Variants in DYNC1I1 observed in about 807,000 individuals in gnomAD.
DYNC1I1 encodes the protein dynein cytoplasmic 1 intermediate chain 1, also known as cytoplasmic dynein 1 intermediate chain 1.
DYNC1I1 carries 43 observed loss-of-function variants against 86.6 expected under a neutral mutation model. That is an observed-to-expected ratio of 0.50 (90% CI 0.39 to 0.64). The LOEUF (loss-of-function observed/expected upper bound fraction) is 0.64. Among genes scored for constraint, DYNC1I1 ranks in the 30% least tolerant of loss-of-function variants. The pLI is 0.00. For synonymous variants in DYNC1I1, 262 were observed against 283.7 expected (o/e 0.92, Z 0.77); for missense variants, 604 against 788.8 (o/e 0.77, Z 2.81).
chr7:95,993,097 A>C (rs144062915), intron 9 of DYNC1I1, among the ~76,000 whole-genome samples: 2 of 152,200 alleles, frequency 1.3e-5, no homozygotes, highest in Admixed American at 1.3e-4. Context: ...AACACTTAAG[A>C]TTAAATAATT....
chr7:95,998,507 T>C (rs1190994503), intron 10 of DYNC1I1, among the ~76,000 whole-genome samples: 1 of 152,238 alleles, frequency 6.6e-6, no homozygotes, highest in African/African-American at 2.4e-5. Context: ...ATAACTTTTC[T>C]TCTATCCTAT....
intron 6 of DYNC1I1, among the ~76,000 whole-genome samples, chr7:95,902,229 G>T (rs768153581): frequency 6.6e-6 from 1 of 152,164 alleles, no homozygotes; most frequent in Non-Finnish European, 1.5e-5. Flanking sequence ...CTCCAGTGGC[G>T]TGTTTTTTCC....
chr7:95,803,911 A>G (rs1332271626), intron 1 of DYNC1I1, among the ~76,000 whole-genome samples: 1 of 152,148 alleles, frequency 6.6e-6, no homozygotes, highest in Non-Finnish European at 1.5e-5. Flanking sequence ...TGTTACTGGC[A>G]CCATCACTAC....
intron 6 of DYNC1I1, among the ~76,000 whole-genome samples, chr7:95,923,429 A>C (rs933241562): frequency 6.6e-6 from 1 of 152,150 alleles, no homozygotes; most frequent in Admixed American, 6.6e-5. Flanking sequence ...AAGAAGTAAA[A>C]TGTTGGAAGA....
intron 1 of DYNC1I1, among the ~76,000 whole-genome samples, chr7:95,803,348 A>T (rs1396218007): frequency 1.3e-5 from 2 of 152,190 alleles, no homozygotes; most frequent in African/African-American, 2.4e-5. Flanking sequence ...TTGTATCCCT[A>T]TTCATTATAA....
At chr7:96,009,771 G>A (rs1378171708) in intron 10 of DYNC1I1, among the ~76,000 whole-genome samples, 6 of 151,892 alleles carry the variant, frequency 4.0e-5, no homozygotes, top group African/African-American at 1.4e-4. Context: ...TCATCACTGG[G>A]GCAGATGACT....
chr7:95,902,648 G>A (rs550269165), intron 6 of DYNC1I1, among the ~76,000 whole-genome samples: 15 of 152,212 alleles, frequency 9.9e-5, no homozygotes, highest in Non-Finnish European at 2.1e-4. Context: ...TAAGAACATG[G>A]CATTTTTTTA....
At chr7:96,095,088 C>T (rs1790962728) in intron 16 of DYNC1I1, among the ~76,000 whole-genome samples, 1 of 152,126 alleles carries the variant, frequency 6.6e-6, no homozygotes, top group South Asian at 2.1e-4. Flanking sequence ...ACTCCCACCT[C>T]CATGAAGAAA....
Position 96,098,082 on chromosome 7 carries a change from T to A in DYNC1I1, c.*489T>A. Reference sequence around the variant, plus strand: ...ACTAGAAGAACATTGCTGCTCCTTATTTATTGTAGTGTGCTGCATGGAACG... The same window carrying A: ...ACTAGAAGAACATTGCTGCTCCTTAATTATTGTAGTGTGCTGCATGGAACG... On this transcript the variant is annotated 3_prime_UTR_variant, in exon 17 of 17. Coordinates refer to ENST00000447467, the MANE Select transcript of DYNC1I1 (RefSeq NM_001135556.2). 4 of 988,852 alleles carry A rather than the reference T, an allele frequency of 4.0e-6. No individual in the cohort carries two copies. Among genetic ancestry groups the A allele is most frequent in the Non-Finnish European group, 4.8e-6 (4 of 831,622 alleles). The allele number at this position is 988,852 out of a possible 1,614,324, so 61.3% of individuals were successfully genotyped here. A position where few individuals can be genotyped will look rare whatever the true frequency, so the allele number is the denominator to read the frequency against.
intron 1 of DYNC1I1, among the ~76,000 whole-genome samples, chr7:95,774,452 G>A (rs1028241207): frequency 4.6e-5 from 7 of 152,074 alleles, no homozygotes; most frequent in African/African-American, 1.7e-4. Flanking sequence ...TTGAAAACAT[G>A]CATGATTGTT....
At chr7:95,883,803 A>C (rs1584124814) in intron 6 of DYNC1I1, among the ~76,000 whole-genome samples, 1 of 152,208 alleles carries the variant, frequency 6.6e-6, no homozygotes, top group East Asian at 1.9e-4. Context: ...ACTTCCTCTT[A>C]AAATCAGTTC....
intron 1 of DYNC1I1, among the ~76,000 whole-genome samples, chr7:95,799,180 C>G (rs933235612): frequency 9.9e-5 from 15 of 152,136 alleles, no homozygotes; most frequent in Admixed American, 9.2e-4. Flanking sequence ...GAGTTCAAGA[C>G]CAGCCTGGCC....
intron 1 of DYNC1I1, among the ~76,000 whole-genome samples, chr7:95,789,682 T>C (rs1321809316): frequency 2.0e-5 from 3 of 152,284 alleles, no homozygotes; most frequent in Non-Finnish European, 4.4e-5. Context: ...TGAACACCTT[T>C]CTCTGTTCAC....
At chr7:95,929,871 C>T (rs558348828) in intron 6 of DYNC1I1, among the ~76,000 whole-genome samples, 2 of 152,298 alleles carry the variant, frequency 1.3e-5, no homozygotes, top group South Asian at 4.1e-4. Flanking sequence ...TGTAGTATTT[C>T]ACTGTGTGAC....
chr7:96,099,507 G>A (rs1791094929), downstream of DYNC1I1, among the ~76,000 whole-genome samples: 1 of 152,166 alleles, frequency 6.6e-6, no homozygotes, highest in Non-Finnish European at 1.5e-5. Flanking sequence ...TTAAGCAACA[G>A]AACTGTATTT....
intron 6 of DYNC1I1, among the ~76,000 whole-genome samples, chr7:95,952,271 A>G (rs1792581567): frequency 6.6e-6 from 1 of 152,106 alleles, no homozygotes; most frequent in Non-Finnish European, 1.5e-5. Flanking sequence ...TGTGACTCTC[A>G]GATTTGTTCC....
intron 10 of DYNC1I1, among the ~76,000 whole-genome samples, chr7:96,004,476 C>A (rs1193611555): frequency 1.3e-5 from 2 of 152,024 alleles, no homozygotes; most frequent in African/African-American, 4.8e-5. Context: ...TGTTATGCAG[C>A]ATTACATCTT....
chr7:95,907,478 G>A (rs752761024), intron 6 of DYNC1I1, among the ~76,000 whole-genome samples: 6 of 152,092 alleles, frequency 3.9e-5, no homozygotes, highest in South Asian at 2.1e-4. Context: ...GACTCAGCCC[G>A]TTGGTCTCTT....
intron 14 of DYNC1I1, among the ~76,000 whole-genome samples, chr7:96,065,286 C>G (rs1373260543): frequency 6.6e-6 from 1 of 151,958 alleles, no homozygotes; most frequent in African/African-American, 2.4e-5. Context: ...CTGGTTCTCT[C>G]TCTTCTACTC....
Sources: allele counts gnomAD v4.1 joint callset (sites outside exome capture counted in the v4.1 genomes callset), GRCh38; gene constraint gnomAD v4.1.1; transcripts MANE v1.5; gene names NCBI Gene and HGNC (gene_info 2026-07-23, HGNC 2026-07-21).